Variants in NXPH1 observed in about 807,000 individuals in gnomAD.
NXPH1 encodes neurexophilin-1.
Under a neutral mutation model 23.7 loss-of-function variants are expected in NXPH1, and 5 were observed. The ratio of observed to expected loss-of-function variants is 0.21; its 90% CI spans 0.11 to 0.44. The LOEUF is 0.44. Among genes scored for constraint, NXPH1 ranks in the 20% least tolerant of loss-of-function variants. The pLI is 0.99. For missense variants in NXPH1, 324 were observed against 321.6 expected, an observed-to-expected ratio of 1.01 and a Z score of -0.06; for synonymous variants, 144 against 122.2, an observed-to-expected ratio of 1.18 and a Z score of -1.18.
At chr7:8,750,823 A>G (rs1394554780) in intron 2 of NXPH1, among the ~76,000 whole-genome samples, 185 bp from the exon 3 acceptor site, 1 of 152,098 alleles carries the variant, frequency 6.6e-6, no homozygotes, top group Non-Finnish European at 1.5e-5. Flanking sequence ...AAACGTAATT[A>G]TTTAATTCTG....
chr7:8,479,722 A>G (rs1431496829), intron 2 of NXPH1, among the ~76,000 whole-genome samples: 4 of 152,180 alleles, frequency 2.6e-5, no homozygotes, highest in African/African-American at 4.8e-5. Context: ...CTAGGAAGCT[A>G]TCAGAAACTC....
At chr7:8,734,224 T>C (rs575703091) in intron 2 of NXPH1, among the ~76,000 whole-genome samples, 1 of 152,302 alleles carries the variant, frequency 6.6e-6, no homozygotes, top group Non-Finnish European at 1.5e-5. Flanking sequence ...TTATGTTCCA[T>C]TGGTTTATAT....
intron 2 of NXPH1, among the ~76,000 whole-genome samples, chr7:8,560,170 G>T (rs1818416797): frequency 6.6e-6 from 1 of 151,628 alleles, no homozygotes; most frequent in African/African-American, 2.4e-5. Context: ...GGATAGTCAG[G>T]TCATATAAAA....
chr7:8,492,031 G>C (rs1314896726), intron 2 of NXPH1, among the ~76,000 whole-genome samples: 1 of 151,932 alleles, frequency 6.6e-6, no homozygotes, highest in African/African-American at 2.4e-5. Flanking sequence ...TACCTCCAGA[G>C]GTATCGATCT....
intron 2 of NXPH1, among the ~76,000 whole-genome samples, chr7:8,716,443 G>C (rs1779880084): frequency 6.6e-6 from 1 of 152,280 alleles, no homozygotes; most frequent in East Asian, 1.9e-4. Flanking sequence ...TAAAATGTCA[G>C]TGTGACAAAA....
intron 2 of NXPH1, among the ~76,000 whole-genome samples, chr7:8,743,973 C>T (rs1201067119): frequency 1.3e-5 from 2 of 152,094 alleles, no homozygotes; most frequent in African/African-American, 2.4e-5. Context: ...CATGAGCCAC[C>T]GCGCCCTGCC....
At chr7:8,525,480 G>A (rs1397475914) in intron 2 of NXPH1, among the ~76,000 whole-genome samples, 2 of 152,182 alleles carry the variant, frequency 1.3e-5, no homozygotes, top group Admixed American at 1.3e-4. Flanking sequence ...GTAGCAAGGA[G>A]CCTAATGTTA....
chr7:8,650,961 A>ATATT (rs895693677), intron 2 of NXPH1, among the ~76,000 whole-genome samples: 158 of 152,070 alleles, frequency 1.0e-3, no homozygotes, highest in African/African-American at 3.6e-3. Flanking sequence ...TTGAGACATA[A>ATATT]TATTTATTTA....
rs534569711 is a variant in NXPH1 at position 8,727,770 on chromosome 7, G to A, written c.55-23238G>A. Among the ~76,000 whole-genome samples, 1,183 of 152,216 alleles carry A rather than the reference G, an allele frequency of 7.8e-3. 20 individuals are homozygous for A. Among genetic ancestry groups the A allele is most frequent in the African/African-American group, 0.027 (1,112 of 41,516 alleles). Reference sequence around the variant, plus strand: ...GTAGTATAGTTTGAAGTCAAGTAGCGTGATGCCTCCAGCTTTGTTCTTTTG... The same window carrying A: ...GTAGTATAGTTTGAAGTCAAGTAGCATGATGCCTCCAGCTTTGTTCTTTTG... On this transcript the variant is annotated intron_variant, in intron 2 of 2. Transcript: ENST00000405863.
chr7:8,702,274 A>T (rs1360547383), intron 2 of NXPH1, among the ~76,000 whole-genome samples: 1 of 152,138 alleles, frequency 6.6e-6, no homozygotes, highest in African/African-American at 2.4e-5. Flanking sequence ...GGATCATTAC[A>T]TATTGCATAC....
rs560166662 is a variant in NXPH1, at chr7:8,586,473, C to T, written c.54+150706C>T. Reference sequence around the variant, plus strand: ...CAGGATCTAAGAGGAAATGAGGACCCTGAATACTGTGATGGTCAGAGAAGT... The same window carrying T: ...CAGGATCTAAGAGGAAATGAGGACCTTGAATACTGTGATGGTCAGAGAAGT... On this transcript the variant is annotated intron_variant, in intron 2 of 2. Transcript: ENST00000405863. 6.6e-5 allele frequency among the ~76,000 whole-genome samples: 10 copies of T among 152,084 alleles called. No homozygotes were observed. The East Asian group carries it at 1.9e-3, about 29-fold the overall frequency.
chr7:8,587,427 A>G (rs149185351), intron 2 of NXPH1, among the ~76,000 whole-genome samples: 12 of 152,190 alleles, frequency 7.9e-5, no homozygotes, highest in East Asian at 3.9e-4. Context: ...ATTCTTCCCA[A>G]TCGGCATCCA....
intron 2 of NXPH1, among the ~76,000 whole-genome samples, chr7:8,647,633 T>A (rs73239918): frequency 0.012 from 1,850 of 152,188 alleles, 26 homozygotes; most frequent in African/African-American, 0.042. Context: ...TCCCTATCTT[T>A]TAATCGCTAG....
intron 2 of NXPH1, among the ~76,000 whole-genome samples, chr7:8,692,896 C>G (rs145217803): frequency 6.6e-6 from 1 of 152,202 alleles, no homozygotes; most frequent in East Asian, 1.9e-4. Context: ...GGGATTTGAA[C>G]GAATCACCCT....
intron 2 of NXPH1, among the ~76,000 whole-genome samples, chr7:8,694,094 GC>G (rs1437410709): frequency 6.6e-6 from 1 of 152,200 alleles, no homozygotes; most frequent in Non-Finnish European, 1.5e-5. Context: ...CCACTGGCAA[GC>G]CCTGATTGAT....
intron 2 of NXPH1, among the ~76,000 whole-genome samples, chr7:8,737,613 G>C (rs1181962617): frequency 6.6e-6 from 1 of 152,034 alleles, no homozygotes; most frequent in Non-Finnish European, 1.5e-5. Context: ...ATGTGTCTTG[G>C]GATGGCTCTT....
intron 2 of NXPH1, among the ~76,000 whole-genome samples, chr7:8,657,224 G>C (rs1475032673): frequency 1.3e-5 from 2 of 152,162 alleles, no homozygotes; most frequent in African/African-American, 4.8e-5. Context: ...CAAAAAACCA[G>C]CACCATAAAT....
At chr7:8,696,292 G>C (rs1258598287) in intron 2 of NXPH1, among the ~76,000 whole-genome samples, 7 of 152,172 alleles carry the variant, frequency 4.6e-5, no homozygotes, top group African/African-American at 1.7e-4. Context: ...TCATTCAACA[G>C]ATATTCTTTC....
At chr7:8,578,881 G>C (rs1562409702) in intron 2 of NXPH1, among the ~76,000 whole-genome samples, 1 of 152,210 alleles carries the variant, frequency 6.6e-6, no homozygotes, top group Admixed American at 6.5e-5. Flanking sequence ...AAGAAGTGTG[G>C]TAGGTAAAGA....
Sources: allele counts gnomAD v4.1 joint callset (sites outside exome capture counted in the v4.1 genomes callset), GRCh38; gene constraint gnomAD v4.1.1; transcripts MANE v1.5; gene names NCBI Gene and HGNC (gene_info 2026-07-23, HGNC 2026-07-21).